CYBA: variants seen among roughly 807,000 people sequenced by gnomAD.
CYBA encodes the protein cytochrome b-245 alpha chain.
Under a neutral mutation model 20.8 loss-of-function variants are expected in CYBA, and 21 were observed. That is an observed-to-expected ratio of 1.01 (90% CI 0.72 to 1.46). The LOEUF is 1.46. Ranked by LOEUF, CYBA falls within the 40% of genes most tolerant of loss-of-function variation. CYBA has a pLI of 0.00. For synonymous variants in CYBA, 164 were observed against 127.5 expected (o/e 1.29, Z -1.93); for missense variants, 344 against 287.0 (o/e 1.20, Z -1.43).
chr16:88,650,623 G>C (rs1907482637), intron 1 of CYBA: 2 of 535,056 alleles, frequency 3.7e-6, no homozygotes, highest in East Asian at 7.8e-5. Flanking sequence ...CTTCGGGGCG[G>C]TGACCCCGGA....
chr16:88,646,969 C>G, intron 3 of CYBA, 131 bp from the exon 4 acceptor site: 19 of 1,185,668 alleles, frequency 1.6e-5, no homozygotes, highest in Non-Finnish European at 2.3e-5. Flanking sequence ...AGGCACCGGC[C>G]TTGGTTTACC....
At chr16:88,648,993 C>T (rs910805214) in intron 1 of CYBA, among the ~76,000 whole-genome samples, 29 of 145,180 alleles carry the variant, frequency 2.0e-4, no homozygotes, top group African/African-American at 6.6e-4. Flanking sequence ...GCTGGAGTTC[C>T]GTGGCGTGAT....
chr16:88,650,805 C>A, intron 1 of CYBA, 151 bp downstream of exon 1: 1 of 797,828 alleles, frequency 1.3e-6, no homozygotes, highest in Non-Finnish European at 2.1e-6. Flanking sequence ...GGGTCCCGCC[C>A]CCGTTCCCCG....
At chr16:88,648,862 G>A (rs1466071497) in intron 1 of CYBA, among the ~76,000 whole-genome samples, 4 of 151,142 alleles carry the variant, frequency 2.6e-5, no homozygotes, top group Admixed American at 6.6e-5. Flanking sequence ...CAGGGAATCC[G>A]CCCGCCTTGG....
Position 88,643,602 on chromosome 16 carries a change from C to T in CYBA, c.370-31G>A. On this transcript the variant is annotated intron_variant, in intron 5 of 5. Transcript: ENST00000261623. The surrounding 1 kb of genome is among the most constrained non-coding windows in gnomAD (Gnocchi z 4.3). The stretch of plus-strand genomic sequence containing the variant: ...GGGCACTGAAGGGTTGAGCCGCGCC[C>T]CAGCGCCCGCCCTCCCTCCCTCCCT... The T allele has an allele frequency of 1.3e-6, 2 of 1,522,666 alleles. No individual in the cohort carries two copies. Among genetic ancestry groups the T allele is most frequent in the Non-Finnish European group, 1.8e-6 (2 of 1,137,724 alleles). 94.3% of individuals were successfully genotyped at this position (1,522,666 alleles called of 1,614,324 possible). A position where few individuals can be genotyped will look rare whatever the true frequency, so the allele number is the denominator to read the frequency against.
intron 2 of CYBA, chr16:88,647,712 A>G (rs1218746164): frequency 8.9e-6 from 4 of 449,062 alleles, no homozygotes; most frequent in Non-Finnish European, 1.2e-5. Flanking sequence ...GAGGAGGTAG[A>G]GGGGCCGGTC....
chr16:88,647,100 C>T lies in CYBA; in HGVS notation c.203+1G>A, dbSNP rs759642642. On this transcript the variant is annotated splice_donor_variant, in intron 3 of 5. Coordinates refer to ENST00000261623, the MANE Select transcript of CYBA (RefSeq NM_000101.4). LOFTEE classifies it high-confidence loss of function. Reference sequence around the variant, plus strand: ...AGACCCCAGAGCAGGAGGAGACTCACCAGCGCTCCATGGTGGAGCCCTTCT... The same window carrying T: ...AGACCCCAGAGCAGGAGGAGACTCATCAGCGCTCCATGGTGGAGCCCTTCT... 1.2e-6 allele frequency: 2 copies of T among 1,609,916 alleles called. No individual in the cohort carries two copies. The highest frequency in any genetic ancestry group is 2.7e-5 in the African/African-American group (2 of 74,896).
Position 88,646,755 on chromosome 16 carries a change from A to C in CYBA, c.287T>G (p.Leu96Arg). The change falls in exon 4 of 6, where the codon CTG becomes CGG. Residue 96 changes from leucine to arginine, a missense_variant and splice_region_variant. By Grantham distance (102) the Leu-to-Arg change is moderately radical. Coordinates refer to ENST00000261623, the MANE Select transcript of CYBA (RefSeq NM_000101.4). ...GAGGGGGTGCGGGACGGGGACTCACAGGAGATGCAGGACGGCCCGAACATA... is the reference window on the plus strand; with the variant it reads ...GAGGGGGTGCGGGACGGGGACTCACCGGAGATGCAGGACGGCCCGAACATA... ...NYYVRAVLHL[L>R]LSVPAGFLLA... The C allele has an allele frequency of 6.2e-7, 1 of 1,613,280 alleles. No individual in the cohort carries two copies. Among genetic ancestry groups the C allele is most frequent in the South Asian group, 1.1e-5 (1 of 91,076 alleles).
chr16:88,645,685 T>A, intron 5 of CYBA: 1 of 565,212 alleles, frequency 1.8e-6, no homozygotes, highest in Non-Finnish European at 3.2e-6. Flanking sequence ...GTCGGCAGTT[T>A]AAGAAAATGT....
intron 1 of CYBA, among the ~76,000 whole-genome samples, chr16:88,648,937 CT>C (rs35341429): frequency 0.021 from 2,476 of 119,646 alleles, 46 homozygotes; most frequent in African/African-American, 0.063. Flanking sequence ...TATTTTATTT[CT>C]TTTTTTTTTT....
intron 1 of CYBA, among the ~76,000 whole-genome samples, chr16:88,648,907 C>T (rs552060009): frequency 5.4e-5 from 8 of 148,212 alleles, no homozygotes; most frequent in East Asian, 2.0e-4. Context: ...GCATGAGCCA[C>T]GGCGCCTGGT....
At chr16:88,645,690 A>G (rs1329354354) in intron 5 of CYBA, 1 of 562,948 alleles carries the variant, frequency 1.8e-6, no homozygotes, top group Non-Finnish European at 3.2e-6. Context: ...CAGTTTAAGA[A>G]AATGTCTGCG....
chr16:88,643,343 C>A lies in CYBA; in HGVS notation c.*10G>T, dbSNP rs549938071. ...GGTGCACCTGGCGGGAGGGCAGGTC[C>A]GGGGCGAGGTCACACGACCTCGTCG... On this transcript the variant is annotated 3_prime_UTR_variant, in exon 6 of 6. Transcript: ENST00000261623. This position sits in a 1 kb window ranked among gnomAD's most constrained non-coding sequence, Gnocchi z 4.3. 4.0e-6 allele frequency: 6 copies of A among 1,507,454 alleles called. No homozygotes were observed. Among genetic ancestry groups the A allele is most frequent in the Admixed American group, 4.3e-5 (2 of 46,644 alleles). 93.4% of individuals were successfully genotyped at this position (1,507,454 alleles called of 1,614,324 possible).
intron 3 of CYBA, 120 bp from the exon 4 acceptor site, chr16:88,646,958 C>A: frequency 8.5e-7 from 1 of 1,174,856 alleles, no homozygotes; most frequent in Non-Finnish European, 1.2e-6. Context: ...ACACACCGGG[C>A]AGGCACCGGC....
At chr16:88,645,193 G>A (rs1226447772) in intron 5 of CYBA, 1 of 702,354 alleles carries the variant, frequency 1.4e-6, no homozygotes, top group African/African-American at 1.7e-5. Context: ...CAGGGAGACG[G>A]GGGGGATGCG....
rs763488838 is a variant in CYBA, at chr16:88,646,209, C to T, written c.288-12G>A. ...CGGGCACCGAGAGCCTGGGGGACAGCGGGTGAGAGGCAGGGACACAGAAGG... is the reference window on the plus strand; with the variant it reads ...CGGGCACCGAGAGCCTGGGGGACAGTGGGTGAGAGGCAGGGACACAGAAGG... On this transcript the variant is annotated splice_polypyrimidine_tract_variant and intron_variant, in intron 4 of 5. Transcript: ENST00000261623. 3 of 1,547,114 alleles carry T rather than the reference C, an allele frequency of 1.9e-6. No individual in the cohort carries two copies. Among genetic ancestry groups the T allele is most frequent in the African/African-American group, 1.4e-5 (1 of 73,446 alleles).
rs751984921 is a variant in CYBA at position 88,643,611 on chromosome 16, G to GCCCT, written c.370-44_370-41dup. 595 of 1,249,072 alleles carry GCCCT rather than the reference G, an allele frequency of 4.8e-4. 1 individual carries two copies. In the African/African-American group the frequency reaches 7.4e-3, roughly 16 times the overall value. The allele number at this position is 1,249,072 out of a possible 1,614,324, so 77.4% of individuals were successfully genotyped here. A position where few individuals can be genotyped will look rare whatever the true frequency, so the allele number is the denominator to read the frequency against. ...AGGGTTGAGCCGCGCCCCAGCGCCC[G>GCCCT]CCCTCCCTCCCTCCCTCCCTCCCCG... is the stretch of plus-strand genomic sequence containing the variant. On this transcript the variant is annotated intron_variant, in intron 5 of 5. Coordinates refer to ENST00000261623, the MANE Select transcript of CYBA (RefSeq NM_000101.4). The surrounding 1 kb of genome is among the most constrained non-coding windows in gnomAD (Gnocchi z 4.3).
intron 5 of CYBA, chr16:88,645,798 A>C (rs1597371723): frequency 3.7e-6 from 2 of 540,452 alleles, no homozygotes; most frequent in Non-Finnish European, 6.6e-6. Context: ...CGGCTGCGTG[A>C]CCCCAGGCCA....
chr16:88,650,435 C>T (rs1195023602), intron 1 of CYBA: 110 of 458,218 alleles, frequency 2.4e-4, no homozygotes, highest in Non-Finnish European at 2.6e-4. Flanking sequence ...TGGGTGGTTT[C>T]GGCGCCTTGT....
Sources: allele counts gnomAD v4.1 joint callset (sites outside exome capture counted in the v4.1 genomes callset), GRCh38; gene constraint gnomAD v4.1.1; non-coding constraint Gnocchi (gnomAD v3.1); transcripts MANE v1.5; gene names NCBI Gene and HGNC (gene_info 2026-07-23, HGNC 2026-07-21).